The following AGTPBP1 variants were observed in gnomAD, a reference collection of about 807,000 sequenced individuals.
AGTPBP1 encodes ATP/GTP binding carboxypeptidase 1.
AGTPBP1 carries 70 observed loss-of-function variants against 143.9 expected under a neutral mutation model. The observed-to-expected ratio is 0.49, with a 90% confidence interval of 0.40 to 0.59. The LOEUF (loss-of-function observed/expected upper bound fraction) is 0.59, where lower values mean the gene tolerates loss of function less well. Ranked by LOEUF, AGTPBP1 falls within the 20% of genes least tolerant of loss-of-function variation. AGTPBP1 has a pLI of 0.00. For synonymous variants in AGTPBP1, 463 were observed against 500.2 expected (o/e 0.93, Z 0.99); for missense variants, 1,229 against 1,464.5 (o/e 0.84, Z 2.62).
chr9:85,801,127 C>G, the AGTPBP1 span, among the ~76,000 whole-genome samples: 1 of 151,968 alleles, frequency 6.6e-6, no homozygotes, highest in East Asian at 1.9e-4. Context: ...GCCTGGCCAT[C>G]ATGGTGAAAT....
rs141140133 is a variant in AGTPBP1, at chr9:85,630,510, T to G, written c.2015+2152A>C. ...TGATTGATTGATTGAGACAGAGTCT[T>G]GCTCTGTCACCCAGGCTGGAGTGCA... On this transcript the variant is annotated intron_variant, in intron 14 of 25. Coordinates refer to ENST00000357081, the MANE Select transcript of AGTPBP1 (RefSeq NM_001330701.2). 7.6e-3 allele frequency among the ~76,000 whole-genome samples: 1,161 copies of G among 151,974 alleles called. 4 individuals are homozygous for G. The highest frequency in any genetic ancestry group is 0.012 in the Non-Finnish European group (821 of 67,998).
chr9:85,805,111 C>T, the AGTPBP1 span, among the ~76,000 whole-genome samples: 1 of 152,344 alleles, frequency 6.6e-6, no homozygotes, highest in South Asian at 2.1e-4. Flanking sequence ...GGCGTTTGGA[C>T]CCTGCCCGGC....
chr9:85,644,354 T>C (rs570947504), intron 12 of AGTPBP1, among the ~76,000 whole-genome samples: 1 of 151,924 alleles, frequency 6.6e-6, no homozygotes, highest in South Asian at 2.1e-4. Flanking sequence ...ACAAAGATAT[T>C]CTTTTCTCTA....
chr9:85,651,467 T>C (rs923711294), intron 11 of AGTPBP1, among the ~76,000 whole-genome samples: 1 of 152,218 alleles, frequency 6.6e-6, no homozygotes, highest in Non-Finnish European at 1.5e-5. Context: ...GTATTATGTA[T>C]CTTTTGCCAA....
intron 3 of AGTPBP1, among the ~76,000 whole-genome samples, chr9:85,683,347 C>T (rs536022847): frequency 6.6e-6 from 1 of 152,078 alleles, no homozygotes; most frequent in Admixed American, 6.6e-5. Flanking sequence ...ATCTAATGTA[C>T]CCTTGATGTA....
intron 1 of AGTPBP1, among the ~76,000 whole-genome samples, chr9:85,723,960 G>A (rs1277953690): frequency 5.3e-5 from 8 of 152,112 alleles, no homozygotes; most frequent in Non-Finnish European, 1.0e-4. Context: ...CCAGCATCTT[G>A]ATCTTAAACT....
intron 17 of AGTPBP1, among the ~76,000 whole-genome samples, chr9:85,618,232 C>CAA (rs35683850): frequency 8.8e-4 from 95 of 107,518 alleles, no homozygotes; most frequent in Admixed American, 2.5e-3. Flanking sequence ...AACTCCATCT[C>CAA]AAAAAAAAAA....
chr9:85,764,686 T>C, the AGTPBP1 span: 1 of 913,398 alleles, frequency 1.1e-6, no homozygotes, highest in Non-Finnish European at 1.8e-6. Context: ...TTTCGGGGTG[T>C]CTGGTGGGTT....
chr9:85,567,788 T>G (rs1027765564), intron 25 of AGTPBP1, among the ~76,000 whole-genome samples: 1 of 152,028 alleles, frequency 6.6e-6, no homozygotes, highest in Non-Finnish European at 1.5e-5. Flanking sequence ...TTAAGAGATA[T>G]GCATGGAGAA....
At chr9:85,639,543 A>G (rs1832330366) in intron 13 of AGTPBP1, among the ~76,000 whole-genome samples, 1 of 152,256 alleles carries the variant, frequency 6.6e-6, no homozygotes, top group African/African-American at 2.4e-5. Flanking sequence ...AACTTCAAAA[A>G]CATACAAAAA....
intron 8 of AGTPBP1, among the ~76,000 whole-genome samples, chr9:85,661,506 A>T (rs1833854802): frequency 6.6e-6 from 1 of 152,078 alleles, no homozygotes; most frequent in African/African-American, 2.4e-5. Context: ...GGTTGGGGAG[A>T]AGTATCAGCC....
At chr9:85,568,326 T>C (rs1383551973) in intron 25 of AGTPBP1, among the ~76,000 whole-genome samples, 1 of 152,232 alleles carries the variant, frequency 6.6e-6, no homozygotes, top group African/African-American at 2.4e-5. Context: ...TGTTTCATTC[T>C]TATATTTTTA....
rs915384448 is a variant in AGTPBP1, at chr9:85,741,918, G to C, written c.-177C>G. 1 of 1,311,908 alleles carries C rather than the reference G, an allele frequency of 7.6e-7. No homozygotes were observed. The highest frequency in any genetic ancestry group is 3.1e-5 in the East Asian group (1 of 31,884). The allele number at this position is 1,311,908 out of a possible 1,614,324, so 81.3% of individuals were successfully genotyped here. On this transcript the variant is annotated 5_prime_UTR_variant, in exon 1 of 26. Transcript: ENST00000357081. ...CAGGCGAGGCGGAGGCGGCGGCGGC[G>C]GCAGCTGCGGCGGCGGCGCTGGAGG...
chr9:85,755,687 A>G, the AGTPBP1 span, among the ~76,000 whole-genome samples: 8,630 of 152,178 alleles, frequency 0.057, 347 homozygotes, highest in African/African-American at 0.11. Flanking sequence ...CAATCAAGGA[A>G]CTCAAGTTGG....
chr9:85,756,330 CATA>C, the AGTPBP1 span: 1 of 1,399,088 alleles, frequency 7.1e-7, no homozygotes, highest in Non-Finnish European at 9.4e-7. Flanking sequence ...ATCAGAAAAA[CATA>C]ATAAGAAATG....
chr9:85,791,783 T>C, the AGTPBP1 span, among the ~76,000 whole-genome samples: 126 of 152,094 alleles, frequency 8.3e-4, 2 homozygotes, highest in Middle Eastern at 0.031. Context: ...TTCATACTGG[T>C]ATATTTTTAT....
chr9:85,610,144 C>A (rs1175939274), intron 17 of AGTPBP1, among the ~76,000 whole-genome samples: 1 of 152,166 alleles, frequency 6.6e-6, no homozygotes, highest in African/African-American at 2.4e-5. Context: ...TGGTTCCAAA[C>A]ATGTTCAATT....
At chr9:85,629,200 T>C (rs1297006240) in intron 14 of AGTPBP1, among the ~76,000 whole-genome samples, 1 of 152,186 alleles carries the variant, frequency 6.6e-6, no homozygotes, top group African/African-American at 2.4e-5. Context: ...AGCTTTGTTT[T>C]GAACTCAGTG....
intron 11 of AGTPBP1, among the ~76,000 whole-genome samples, chr9:85,649,885 G>A (rs1833042341): frequency 6.6e-6 from 1 of 151,986 alleles, no homozygotes; most frequent in Admixed American, 6.6e-5. Context: ...TCTTTACTTG[G>A]TCAAGGTGTC....
Sources: gnomAD v4.1 joint callset for allele counts (sites outside exome capture counted in the v4.1 genomes callset) on GRCh38, gnomAD v4.1.1 for gene constraint, MANE v1.5 for transcripts, NCBI Gene and HGNC (gene_info 2026-07-23, HGNC 2026-07-21) for gene names.